KCNG3: variants seen among roughly 807,000 people sequenced by gnomAD.
KCNG3 encodes the protein potassium voltage-gated channel modifier subfamily G member 3, also known as voltage-gated potassium channel regulatory subunit KCNG3.
A neutral mutation model predicts 29.0 loss-of-function variants in KCNG3; 15 were observed. That is an observed-to-expected ratio of 0.52 (90% CI 0.35 to 0.80). KCNG3 has a LOEUF of 0.80. Ranked by LOEUF, KCNG3 falls within the 30% of genes least tolerant of loss-of-function variation. KCNG3 has a pLI of 0.01. For missense variants in KCNG3, 512 were observed against 605.7 expected, an observed-to-expected ratio of 0.85 and a Z score of 1.62; for synonymous variants, 322 against 248.9, an observed-to-expected ratio of 1.29 and a Z score of -2.76.
At chr2:42,405,743 G>C in the KCNG3 span, among the ~76,000 whole-genome samples, 1 of 152,076 alleles carries the variant, frequency 6.6e-6, no homozygotes, top group Non-Finnish European at 1.5e-5. Flanking sequence ...AAGTAGCTGG[G>C]ACTACAGGCA....
chr2:42,468,455 C>G (rs1673199423), intron 1 of KCNG3, among the ~76,000 whole-genome samples: 1 of 151,940 alleles, frequency 6.6e-6, no homozygotes, highest in Non-Finnish European at 1.5e-5. Flanking sequence ...GCTATATCAG[C>G]AAAAGGCAGA....
intron 1 of KCNG3, among the ~76,000 whole-genome samples, chr2:42,445,440 G>C (rs529144630): frequency 1.4e-3 from 219 of 152,226 alleles, no homozygotes; most frequent in African/African-American, 5.0e-3. Flanking sequence ...CTGGCACCGA[G>C]CAAGTTTATG....
At chr2:42,417,114 G>A in the KCNG3 span, among the ~76,000 whole-genome samples, 1 of 151,778 alleles carries the variant, frequency 6.6e-6, no homozygotes, top group South Asian at 2.1e-4. Context: ...GTGATGGTGG[G>A]TGCCTGTAAT....
At chr2:42,409,538 A>T in the KCNG3 span, among the ~76,000 whole-genome samples, 1 of 151,228 alleles carries the variant, frequency 6.6e-6, no homozygotes, top group Non-Finnish European at 1.5e-5. Flanking sequence ...ACCTGTCTCT[A>T]CAAAAAGGTA....
intron 1 of KCNG3, among the ~76,000 whole-genome samples, chr2:42,482,649 A>G (rs1044683608): frequency 1.3e-5 from 2 of 152,180 alleles, no homozygotes; most frequent in Non-Finnish European, 2.9e-5. Context: ...GAATCGCTTG[A>G]ACCCGGGAGG....
chr2:42,491,581 T>C (rs1016873216), intron 1 of KCNG3, among the ~76,000 whole-genome samples: 6 of 152,198 alleles, frequency 3.9e-5, no homozygotes, highest in Non-Finnish European at 5.9e-5. Context: ...GTAACTCTTA[T>C]CTGTAAATTC....
chr2:42,457,576 G>A (rs1014646222), intron 1 of KCNG3, among the ~76,000 whole-genome samples: 2 of 150,226 alleles, frequency 1.3e-5, no homozygotes, highest in Admixed American at 1.3e-4. Context: ...GCCAGGCACG[G>A]TGGCTCATGC....
At chr2:42,469,783 A>G (rs893559722) in intron 1 of KCNG3, 2 of 175,820 alleles carry the variant, frequency 1.1e-5, no homozygotes, top group African/African-American at 4.7e-5. Context: ...TAAAATGTAC[A>G]GCTTCTTCCT....
chr2:42,486,750 C>A (rs1673735362), intron 1 of KCNG3, among the ~76,000 whole-genome samples: 1 of 152,238 alleles, frequency 6.6e-6, no homozygotes, highest in Non-Finnish European at 1.5e-5. Context: ...TCTATCACCA[C>A]TAACTGCCCA....
At chr2:42,445,883 T>C (rs1672585446) in intron 1 of KCNG3, among the ~76,000 whole-genome samples, 1 of 151,328 alleles carries the variant, frequency 6.6e-6, no homozygotes, top group South Asian at 2.1e-4. Context: ...TCTGCCACCA[T>C]GCGTGACTAA....
chr2:42,466,102 G>T (rs749314628), intron 1 of KCNG3, among the ~76,000 whole-genome samples: 1 of 152,044 alleles, frequency 6.6e-6, no homozygotes, highest in Non-Finnish European at 1.5e-5. Flanking sequence ...TCTCTGTTTA[G>T]GTATGTTTAA....
the KCNG3 span, among the ~76,000 whole-genome samples, chr2:42,395,933 T>C: frequency 6.6e-6 from 1 of 151,952 alleles, no homozygotes. Context: ...CTGGGCAACA[T>C]GTTGAGCAAA....
At position 42,493,545 on chromosome 2, in the gene KCNG3, G is replaced by C; in HGVS notation, c.-44C>G. Reference sequence around the variant, plus strand: ...CTTTCGGCCCGAGGGCCCCGCTGCAGCCCCCCACCCCAAGCCGCCACGCGG... The same window carrying C: ...CTTTCGGCCCGAGGGCCCCGCTGCACCCCCCCACCCCAAGCCGCCACGCGG... On this transcript the variant is annotated 5_prime_UTR_variant, in exon 1 of 2. Coordinates refer to ENST00000306078, the MANE Select transcript of KCNG3 (RefSeq NM_133329.6). The C allele has an allele frequency of 7.5e-7, 1 of 1,325,726 alleles. No homozygotes were observed. The allele number at this position is 1,325,726 out of a possible 1,614,324, so 82.1% of individuals were successfully genotyped here.
chr2:42,414,967 A>G, the KCNG3 span, among the ~76,000 whole-genome samples: 2 of 152,050 alleles, frequency 1.3e-5, no homozygotes, highest in Non-Finnish European at 2.9e-5. Context: ...TTTTTATTTT[A>G]ATGTCTTTTA....
downstream of KCNG3, among the ~76,000 whole-genome samples, chr2:42,440,204 C>G (rs1672443031): frequency 6.6e-6 from 1 of 152,062 alleles, no homozygotes; most frequent in East Asian, 1.9e-4. Flanking sequence ...TTCCTATGAC[C>G]CTATAAAATG....
At chr2:42,439,689 C>G (rs963247524), downstream of KCNG3, among the ~76,000 whole-genome samples, 3 of 151,736 alleles carry the variant, frequency 2.0e-5, no homozygotes, top group African/African-American at 7.3e-5. Context: ...TTTTGTCACC[C>G]AGGGTGGAGT....
the KCNG3 span, among the ~76,000 whole-genome samples, chr2:42,409,111 C>G: frequency 2.0e-5 from 3 of 152,124 alleles, no homozygotes; most frequent in Non-Finnish European, 2.9e-5. Flanking sequence ...ACACCCCTTG[C>G]CATTCCATGT....
At chr2:42,478,049 G>A (rs1673484049) in intron 1 of KCNG3, among the ~76,000 whole-genome samples, 1 of 152,024 alleles carries the variant, frequency 6.6e-6, no homozygotes, top group Admixed American at 6.6e-5. Context: ...TTTACCACAG[G>A]CACGTTCTCA....
At chr2:42,436,005 G>C in the KCNG3 span, among the ~76,000 whole-genome samples, 2 of 152,134 alleles carry the variant, frequency 1.3e-5, no homozygotes, top group Non-Finnish European at 2.9e-5. Context: ...CTGATGCATG[G>C]ATAAATAAAA....
Sources: gnomAD v4.1 joint callset for allele counts (sites outside exome capture counted in the v4.1 genomes callset) on GRCh38, gnomAD v4.1.1 for gene constraint, MANE v1.5 for transcripts, NCBI Gene and HGNC (gene_info 2026-07-23, HGNC 2026-07-21) for gene names.